The following OTOGL variants were observed in gnomAD, a reference collection of about 807,000 sequenced individuals.
OTOGL encodes the protein otogelin like, also known as otogelin-like protein.
In OTOGL, 285 loss-of-function variants were observed where a neutral mutation model predicts 318.5. That is an observed-to-expected ratio of 0.89 (90% CI 0.81 to 0.99). The LOEUF (loss-of-function observed/expected upper bound fraction) is 0.99, where lower values mean the gene tolerates loss of function less well. Ranked by LOEUF, OTOGL falls within the 50% of genes least tolerant of loss-of-function variation. The probability of loss-of-function intolerance (pLI) is 0.00; values close to 1 mark genes in which losing one functional copy is unlikely to be tolerated. For missense variants in OTOGL, 2,899 were observed against 2,845.6 expected (o/e 1.02, Z -0.43); for synonymous variants, 987 against 936.5 (o/e 1.05, Z -0.99).
chr12:80,318,675 T>C lies in OTOGL; in HGVS notation c.3764T>C (p.Phe1255Ser). ...GTTCATACCAGTTTATTTTTTTATT[T>C]TATGATCACTCCAGGCCTTTTCAAA... ...SSVHTSLFFY[F>S]MITPGLFKEK... Residue 1255 changes from phenylalanine (F) to serine (S), a missense_variant, in exon 33 of 59, where the codon TTT (phenylalanine) becomes TCT (serine). Phe to Ser is a radical substitution (Grantham distance 155). Around this residue, in one of 3 missense-constraint regions of OTOGL, gnomAD observed 2,607 missense variants for 2,524.9 expected, o/e 1.03. Transcript: ENST00000547103. The C allele has an allele frequency of 7.0e-7, 1 of 1,434,638 alleles. No individual in the cohort carries two copies. The highest frequency in any genetic ancestry group is 2.9e-5 in the Admixed American group (1 of 35,008). The allele number at this position is 1,434,638 out of a possible 1,614,324, so 88.9% of individuals were successfully genotyped here.
intron 1 of OTOGL, among the ~76,000 whole-genome samples, chr12:80,129,745 T>A (rs1266360515): frequency 6.6e-6 from 1 of 152,226 alleles, no homozygotes; most frequent in Non-Finnish European, 1.5e-5. Flanking sequence ...GAAATTTTAT[T>A]CATAGTCACC....
At chr12:80,175,416 C>T (rs1183516742) in intron 1 of OTOGL, among the ~76,000 whole-genome samples, 6 of 152,150 alleles carry the variant, frequency 3.9e-5, no homozygotes, top group Non-Finnish European at 2.9e-5. Flanking sequence ...AACTGTGTTT[C>T]TAAGGGTGAA....
chr12:80,103,517 C>T (rs1869269867), intron 1 of OTOGL, among the ~76,000 whole-genome samples: 1 of 152,222 alleles, frequency 6.6e-6, no homozygotes, highest in East Asian at 1.9e-4. Flanking sequence ...GACCCCATGG[C>T]TAAATTGGAT....
intron 1 of OTOGL, among the ~76,000 whole-genome samples, chr12:80,135,950 G>A (rs1871541394): frequency 6.6e-6 from 1 of 152,158 alleles, no homozygotes; most frequent in South Asian, 2.1e-4. Flanking sequence ...GCAGACTGCT[G>A]GTCTTTGGAC....
At chr12:80,102,978 A>G (rs1293435426) in intron 1 of OTOGL, 2 of 903,376 alleles carry the variant, frequency 2.2e-6, no homozygotes, top group African/African-American at 3.2e-5. Context: ...TTTCCGTTCA[A>G]GGATCTTTTT....
intron 13 of OTOGL, among the ~76,000 whole-genome samples, 156 bp downstream of exon 13, chr12:80,252,357 A>G (rs1184820654): frequency 6.6e-6 from 1 of 152,186 alleles, no homozygotes; most frequent in Non-Finnish European, 1.5e-5. Context: ...GACAAGGAGG[A>G]ATGGCTACTT....
intron 48 of OTOGL, 116 bp from the exon 49 acceptor site, chr12:80,356,690 AT>A: frequency 1.6e-6 from 1 of 643,674 alleles, no homozygotes; most frequent in Non-Finnish European, 2.5e-6. Context: ...ATGTATATAT[AT>A]ATATGATTAA....
intron 2 of OTOGL, 62 bp from the exon 3 acceptor site, chr12:80,210,785 G>A: frequency 8.9e-7 from 1 of 1,120,768 alleles, no homozygotes; most frequent in South Asian, 1.8e-5. Context: ...TTAAACAACT[G>A]GAACATGTAG....
intron 4 of OTOGL, among the ~76,000 whole-genome samples, chr12:80,214,637 C>A (rs1436660259): frequency 6.6e-6 from 1 of 152,028 alleles, no homozygotes; most frequent in Non-Finnish European, 1.5e-5. Flanking sequence ...AGACAGATTC[C>A]CATTTGAACC....
chr12:80,370,295 C>T (rs570859901), intron 55 of OTOGL, among the ~76,000 whole-genome samples: 1 of 152,072 alleles, frequency 6.6e-6, no homozygotes, highest in East Asian at 1.9e-4. Flanking sequence ...TGTTTTATTT[C>T]ACATTTACCT....
intron 1 of OTOGL, among the ~76,000 whole-genome samples, chr12:80,150,710 G>A (rs963157610): frequency 1.3e-5 from 2 of 152,156 alleles, no homozygotes; most frequent in Non-Finnish European, 2.9e-5. Flanking sequence ...TGACTGAAGG[G>A]CAAGAGCCCT....
At chr12:80,197,888 A>C (rs1876188720) in intron 1 of OTOGL, among the ~76,000 whole-genome samples, 1 of 152,196 alleles carries the variant, frequency 6.6e-6, no homozygotes, top group African/African-American at 2.4e-5. Context: ...CTAGTCCCTC[A>C]ATCTTTCCTC....
chr12:80,279,186 T>A lies in OTOGL; in HGVS notation c.2928+20T>A. On this transcript the variant is annotated intron_variant, in intron 26 of 58. Coordinates refer to ENST00000547103, the MANE Select transcript of OTOGL (RefSeq NM_001378609.3). ...ATAAAGGTAGGTCACAGTTACACAT[T>A]TTTATTTGCATTCGTGTAAAGATTT... 6.4e-7 allele frequency: 1 copy of A among 1,568,650 alleles called. No homozygotes were observed. The highest frequency in any genetic ancestry group is 8.6e-7 in the Non-Finnish European group (1 of 1,163,390).
chr12:80,312,620 A>G (rs1246827884), intron 30 of OTOGL, among the ~76,000 whole-genome samples: 1 of 152,146 alleles, frequency 6.6e-6, no homozygotes, highest in Non-Finnish European at 1.5e-5. Flanking sequence ...TTGTTTATAA[A>G]AAGGGTTGCT....
In OTOGL at chr12:80,347,694, C is replaced by T. The variant is rs577232751; in HGVS notation, c.5266-4601C>T. 4.6e-5 allele frequency among the ~76,000 whole-genome samples: 7 copies of T among 152,182 alleles called. No homozygotes were observed. The South Asian group carries it at 1.5e-3, about 32-fold the overall frequency. On this transcript the variant is annotated intron_variant, in intron 44 of 58. Transcript: ENST00000547103. ...CTGGTTCTAGATCCTTGAGGAATTG[C>T]CACACTGTCTTCCATAATTATTGAA...
intron 1 of OTOGL, among the ~76,000 whole-genome samples, chr12:80,191,900 T>A (rs563924586): frequency 6.6e-6 from 1 of 152,360 alleles, no homozygotes; most frequent in Admixed American, 6.5e-5. Flanking sequence ...GAGATTTATA[T>A]TTTATTGAAA....
chr12:80,099,819 A>G (rs1213057483), intron 1 of OTOGL, among the ~76,000 whole-genome samples: 1 of 152,214 alleles, frequency 6.6e-6, no homozygotes, highest in Admixed American at 6.5e-5. Context: ...TCTCTGTAGC[A>G]TAATGCTTCC....
chr12:80,166,913 G>A (rs546956845), intron 1 of OTOGL, among the ~76,000 whole-genome samples: 6 of 152,244 alleles, frequency 3.9e-5, no homozygotes, highest in Non-Finnish European at 8.8e-5. Context: ...TGGGAAGGTA[G>A]GAGAGACTCC....
At chr12:80,126,221 G>C (rs1449557210) in intron 1 of OTOGL, among the ~76,000 whole-genome samples, 3 of 152,124 alleles carry the variant, frequency 2.0e-5, no homozygotes, top group Non-Finnish European at 4.4e-5. Context: ...ATGTGTCCTA[G>C]AGATTCTGGT....
Sources: gnomAD v4.1 joint callset for allele counts (sites outside exome capture counted in the v4.1 genomes callset) on GRCh38, gnomAD v4.1.1 for gene constraint, gnomAD v4.1.1 regional missense constraint, MANE v1.5 for transcripts, NCBI Gene and HGNC (gene_info 2026-07-23, HGNC 2026-07-21) for gene names.